ZRANB3: variants seen among roughly 807,000 people sequenced by gnomAD.
ZRANB3 encodes the protein zinc finger RANBP2-type containing 3, also known as DNA annealing helicase and endonuclease ZRANB3.
A neutral mutation model predicts 133.8 loss-of-function variants in ZRANB3; 125 were observed. The ratio of observed to expected loss-of-function variants is 0.93; its 90% CI spans 0.81 to 1.08. The LOEUF (loss-of-function observed/expected upper bound fraction) is 1.08, where lower values mean the gene tolerates loss of function less well. Among genes scored for constraint, ZRANB3 ranks in the 50% least tolerant of loss-of-function variants. The probability of loss-of-function intolerance (pLI) is 0.00; values close to 1 mark genes in which losing one functional copy is unlikely to be tolerated. For synonymous variants in ZRANB3, 387 were observed against 432.7 expected, an observed-to-expected ratio of 0.89 and a Z score of 1.31; for missense variants, 1,229 against 1,275.5, an observed-to-expected ratio of 0.96 and a Z score of 0.56.
intron 19 of ZRANB3, 37 bp from the exon 20 acceptor site, chr2:135,203,000 A>G: frequency 3.8e-6 from 6 of 1,599,732 alleles, no homozygotes; most frequent in South Asian, 1.1e-5. Flanking sequence ...TTTTCAACAT[A>G]TACTGCAAGA....
chr2:135,461,263 A>C (rs546108336), intron 2 of ZRANB3, among the ~76,000 whole-genome samples: 2 of 152,266 alleles, frequency 1.3e-5, no homozygotes, highest in South Asian at 4.1e-4. Flanking sequence ...ATAAGTGATA[A>C]ACAACATGCC....
chr2:135,289,206 C>A (rs895725565), intron 8 of ZRANB3, among the ~76,000 whole-genome samples: 1 of 152,000 alleles, frequency 6.6e-6, no homozygotes, highest in Non-Finnish European at 1.5e-5. Context: ...CAGGAACAGA[C>A]TATTTAATTT....
intron 8 of ZRANB3, among the ~76,000 whole-genome samples, chr2:135,289,714 C>A (rs1373356631): frequency 1.3e-5 from 2 of 152,082 alleles, no homozygotes; most frequent in Non-Finnish European, 2.9e-5. Flanking sequence ...ATCAGCCTAG[C>A]CAATATAGTG....
chr2:135,353,731 T>C (rs942216236), intron 3 of ZRANB3, 103 bp from the exon 4 acceptor site: 53 of 822,630 alleles, frequency 6.4e-5, no homozygotes, highest in Admixed American at 4.6e-4. Flanking sequence ...CTGGGTGTGA[T>C]GGCTCATGAC....
intron 2 of ZRANB3, among the ~76,000 whole-genome samples, chr2:135,483,838 T>C (rs1490466616): frequency 6.6e-5 from 10 of 152,164 alleles, no homozygotes; most frequent in Non-Finnish European, 1.2e-4. Context: ...TTTCAAAGAA[T>C]ATCTTTATTT....
chr2:135,236,685 G>C (rs1222959339), intron 12 of ZRANB3, among the ~76,000 whole-genome samples: 1 of 152,102 alleles, frequency 6.6e-6, no homozygotes, highest in Admixed American at 6.6e-5. Context: ...ACAAGCAATG[G>C]GGAAAGGATT....
chr2:135,232,659 C>T (rs1228156070), intron 12 of ZRANB3, among the ~76,000 whole-genome samples: 3 of 152,184 alleles, frequency 2.0e-5, no homozygotes, highest in African/African-American at 7.2e-5. Context: ...TCTACAGCCT[C>T]TGCTTCTGAT....
intron 8 of ZRANB3, among the ~76,000 whole-genome samples, chr2:135,305,835 G>C (rs978951053): frequency 6.6e-6 from 1 of 152,070 alleles, no homozygotes; most frequent in Non-Finnish European, 1.5e-5. Flanking sequence ...ACTTTTGAAG[G>C]ATAGCTTTGT....
At chr2:135,440,252 A>C (rs1689720664) in intron 2 of ZRANB3, among the ~76,000 whole-genome samples, 1 of 152,142 alleles carries the variant, frequency 6.6e-6, no homozygotes, top group Non-Finnish European at 1.5e-5. Context: ...ATAAGAAATA[A>C]ATATGTCTAT....
chr2:135,209,825 A>G (rs1392145257), intron 17 of ZRANB3, among the ~76,000 whole-genome samples: 3 of 152,214 alleles, frequency 2.0e-5, no homozygotes, highest in East Asian at 3.8e-4. Context: ...CAATAAAATT[A>G]AAGTTCAATC....
chr2:135,341,588 T>C (rs1684666668), intron 6 of ZRANB3, among the ~76,000 whole-genome samples: 1 of 150,056 alleles, frequency 6.7e-6, no homozygotes, highest in South Asian at 2.1e-4. Context: ...AGATAACCAT[T>C]AGGTCTGACT....
At chr2:135,216,087 CTTTT>C (rs201151682) in intron 17 of ZRANB3, among the ~76,000 whole-genome samples, 1 of 145,664 alleles carries the variant, frequency 6.9e-6, no homozygotes, top group East Asian at 2.0e-4. Context: ...GTCTCCATCC[CTTTT>C]TTTTTTTTTA....
intron 2 of ZRANB3, among the ~76,000 whole-genome samples, chr2:135,413,529 A>G (rs1688406681): frequency 6.6e-6 from 1 of 152,174 alleles, no homozygotes; most frequent in African/African-American, 2.4e-5. Context: ...TTCCATTTAC[A>G]AAGTACTATC....
Position 135,207,418 on chromosome 2 carries a change from C to A in ZRANB3, c.3009+16G>T, listed in dbSNP as rs769837942. 1 of 1,581,852 alleles carries A rather than the reference C, an allele frequency of 6.3e-7. No individual in the cohort carries two copies. The highest frequency in any genetic ancestry group is 1.8e-5 in the Admixed American group (1 of 55,804). On this transcript the variant is annotated intron_variant, in intron 19 of 20. Coordinates refer to ENST00000264159, the MANE Select transcript of ZRANB3 (RefSeq NM_032143.4). ...GTACAATGCTGCCTTCTATCTATCA[C>A]ATGATTATAACTTACCTGTTCTAAT...
intron 5 of ZRANB3, among the ~76,000 whole-genome samples, chr2:135,345,902 T>C (rs1684899348): frequency 6.6e-6 from 1 of 152,190 alleles, no homozygotes; most frequent in Non-Finnish European, 1.5e-5. Context: ...TACACTAGAA[T>C]TTTGTCCCAT....
In ZRANB3 at chr2:135,323,283, C is replaced by T. The variant is rs1038236794; in HGVS notation, c.678-7753G>A. ...CTGTTCTTATATCAAATAATAGTGC[C>T]TTGCAAATGTAACAGAATGTTTAGT... On this transcript the variant is annotated intron_variant, in intron 6 of 20. Coordinates refer to ENST00000264159, the MANE Select transcript of ZRANB3 (RefSeq NM_032143.4). Among the ~76,000 whole-genome samples, 8 of 152,094 alleles carry T rather than the reference C, an allele frequency of 5.3e-5. No individual in the cohort carries two copies. The South Asian group carries it at 6.2e-4, about 12-fold the overall frequency.
Position 135,343,893 on chromosome 2 carries a change from A to G in ZRANB3, c.677+1657T>C, listed in dbSNP as rs76493007. Among the ~76,000 whole-genome samples the G allele has an allele frequency of 2.7e-4, 40 of 146,080 alleles. 4 individuals are homozygous for G. Among genetic ancestry groups the G allele is most frequent in the African/African-American group, 1.1e-3 (40 of 35,618 alleles). On this transcript the variant is annotated intron_variant, in intron 6 of 20. Coordinates refer to ENST00000264159, the MANE Select transcript of ZRANB3 (RefSeq NM_032143.4). ...TTCACTATGTTTGAAAAGTATGGAA[A>G]AAGAAACAATCTGACACTAAGCTGG... is the stretch of plus-strand genomic sequence containing the variant.
At chr2:135,265,402 G>C (rs908478284) in intron 12 of ZRANB3, 132 bp downstream of exon 12, 1 of 1,025,878 alleles carries the variant, frequency 9.7e-7, no homozygotes, top group African/African-American at 1.6e-5. Flanking sequence ...GCTCTAAGAG[G>C]GTTTCCAGCT....
At chr2:135,418,126 C>G (rs541942742) in intron 2 of ZRANB3, among the ~76,000 whole-genome samples, 12 of 151,760 alleles carry the variant, frequency 7.9e-5, no homozygotes, top group Admixed American at 3.3e-4. Flanking sequence ...TAAAAACAAA[C>G]AACAAAAAAT....
Sources: gnomAD v4.1 joint callset for allele counts (sites outside exome capture counted in the v4.1 genomes callset) on GRCh38, gnomAD v4.1.1 for gene constraint, MANE v1.5 for transcripts, NCBI Gene and HGNC (gene_info 2026-07-23, HGNC 2026-07-21) for gene names.